The following AFF2 variants were observed in gnomAD, a reference collection of about 807,000 sequenced individuals.
The protein encoded by AFF2 is AF4/FMR2 family member 2.
Under a neutral mutation model 76.9 loss-of-function variants are expected in AFF2, and 14 were observed. That is an observed-to-expected ratio of 0.18 (90% CI 0.12 to 0.28). The LOEUF is 0.28. Ranked by LOEUF, AFF2 falls within the 10% of genes least tolerant of loss-of-function variation. AFF2 has a pLI of 1.00. For missense variants in AFF2, 868 were observed against 1,001.1 expected (o/e 0.87, Z 1.79); for synonymous variants, 398 against 366.7 (o/e 1.09, Z -0.98).
chrX:148,610,118 G>A (rs1255410293), intron 1 of AFF2, among the ~76,000 whole-genome samples: 4 of 111,889 alleles, frequency 3.6e-5, no homozygotes, highest in Non-Finnish European at 7.5e-5. Flanking sequence ...AATTGCCCAT[G>A]TGAAGAGAGA....
At chrX:148,830,257 C>A (rs894342598) in intron 4 of AFF2, among the ~76,000 whole-genome samples, 32 of 112,361 alleles carry the variant, frequency 2.8e-4, no homozygotes, top group African/African-American at 1.0e-3. Context: ...CCTTCCGAAG[C>A]CTGCCTGAGG....
At chrX:148,788,185 A>G (rs1239333666) in intron 3 of AFF2, among the ~76,000 whole-genome samples, 1 of 111,722 alleles carries the variant, frequency 9.0e-6, no homozygotes, top group Non-Finnish European at 1.9e-5. Flanking sequence ...TGGAAAAATC[A>G]TTTGGAGGAG....
intron 1 of AFF2, among the ~76,000 whole-genome samples, chrX:148,502,097 A>G (rs1239965216): frequency 4.5e-5 from 5 of 112,244 alleles, no homozygotes; most frequent in Non-Finnish European, 7.5e-5. Context: ...TACAAACATT[A>G]TCACAGTTTA....
Position 148,993,271 on chromosome X carries a change from A to G in AFF2, c.*1939A>G, listed in dbSNP as rs904463984. On this transcript the variant is annotated 3_prime_UTR_variant, in exon 21 of 21. Transcript: ENST00000370460. The stretch of plus-strand genomic sequence containing the variant: ...ACAGTCTCAGCAACAACACTTATGC[A>G]TCCAAACACTCACAAATGAAACCTG... The G allele has an allele frequency of 8.9e-6, 1 of 112,927 alleles. No homozygotes were observed. The highest frequency in any genetic ancestry group is 1.9e-5 in the Non-Finnish European group (1 of 53,363). The allele number at this position is 112,927 out of a possible 1,213,427, so 9.3% of individuals were successfully genotyped here.
chrX:148,919,347 G>T (rs1227899282), intron 9 of AFF2, among the ~76,000 whole-genome samples: 3 of 110,547 alleles, frequency 2.7e-5, no homozygotes, highest in African/African-American at 6.6e-5. Context: ...AAAGAATAAA[G>T]AATCTCATAC....
At chrX:148,802,543 G>A (rs1310859518) in intron 3 of AFF2, among the ~76,000 whole-genome samples, 2 of 112,036 alleles carry the variant, frequency 1.8e-5, no homozygotes, top group African/African-American at 3.2e-5. Flanking sequence ...GTACTGTTAT[G>A]TGAAATACAA....
intron 9 of AFF2, among the ~76,000 whole-genome samples, chrX:148,945,994 A>G (rs1557286055): frequency 8.9e-6 from 1 of 112,323 alleles, no homozygotes; most frequent in Non-Finnish European, 1.9e-5. Context: ...AGTCTGGTCA[A>G]TCTACAGAAA....
chrX:148,658,547 A>T (rs2054275411), intron 2 of AFF2, among the ~76,000 whole-genome samples: 1 of 112,291 alleles, frequency 8.9e-6, no homozygotes, highest in African/African-American at 3.2e-5. Flanking sequence ...TCATCATAAG[A>T]AAAAGCCACA....
intron 4 of AFF2, among the ~76,000 whole-genome samples, chrX:148,810,146 A>T (rs2070185570): frequency 8.9e-6 from 1 of 111,877 alleles, no homozygotes; most frequent in African/African-American, 3.3e-5. Context: ...TGCCCTATCC[A>T]TTCCTACATC....
At chrX:148,622,494 C>G in intron 1 of AFF2, among the ~76,000 whole-genome samples, 1 of 112,002 alleles carries the variant, frequency 8.9e-6, no homozygotes, top group Middle Eastern at 4.6e-3. Flanking sequence ...TTAAAGTCAA[C>G]TTGTTGTGAA....
intron 3 of AFF2, among the ~76,000 whole-genome samples, chrX:148,680,555 C>T (rs2054536235): frequency 9.0e-6 from 1 of 111,546 alleles, no homozygotes; most frequent in South Asian, 3.8e-4. Flanking sequence ...AAAAAATCAA[C>T]TTCGTTTGAC....
intron 19 of AFF2, 71 bp from the exon 20 acceptor site, chrX:148,987,296 G>A: frequency 1.0e-6 from 1 of 972,442 alleles, no homozygotes; most frequent in East Asian, 3.1e-5. Flanking sequence ...CAGCGTGATG[G>A]GGAAGGCCTA....
intron 7 of AFF2, among the ~76,000 whole-genome samples, chrX:148,859,425 GT>G (rs1483861248): frequency 1.4e-4 from 16 of 110,754 alleles, no homozygotes; most frequent in Non-Finnish European, 3.0e-4. Context: ...AATACCTTTA[GT>G]AAAAATGCTT....
rs782165155 is a variant in AFF2 at position 148,840,408 on chromosome X, T to G, written c.1174-2558T>G. Among the ~76,000 whole-genome samples, 70 of 111,946 alleles carry G rather than the reference T, an allele frequency of 6.3e-4. 1 individual carries two copies. The highest frequency in any genetic ancestry group is 1.5e-3 in the South Asian group (4 of 2,690). On this transcript the variant is annotated intron_variant, in intron 5 of 20. Coordinates refer to ENST00000370460, the MANE Select transcript of AFF2 (RefSeq NM_002025.4). ...CTGCTTTCACACTACAATGGCAGAG[T>G]CCAGTTAATTATGACAAAGATGGTA...
chrX:148,792,023 A>T (rs1316237244), intron 3 of AFF2, among the ~76,000 whole-genome samples: 1 of 110,771 alleles, frequency 9.0e-6, no homozygotes, highest in Non-Finnish European at 1.9e-5. Context: ...TTCCTATTTG[A>T]TAATATAGTT....
intron 5 of AFF2, 22 bp downstream of exon 5, chrX:148,837,755 A>G: frequency 9.3e-7 from 1 of 1,072,417 alleles, no homozygotes; most frequent in South Asian, 2.0e-5. Context: ...TCCTTCCTGC[A>G]TTTTTGTTTG....
At chrX:148,529,682 G>A (rs1180635250) in intron 1 of AFF2, among the ~76,000 whole-genome samples, 1 of 111,724 alleles carries the variant, frequency 9.0e-6, no homozygotes. Context: ...TCTGAGGGTA[G>A]GAGTACTCCC....
At chrX:148,750,394 C>T (rs1470683841) in intron 3 of AFF2, among the ~76,000 whole-genome samples, 1 of 111,759 alleles carries the variant, frequency 8.9e-6, no homozygotes, top group Admixed American at 9.5e-5. Flanking sequence ...TTTGAAGACT[C>T]TTGACATTGT....
At position 148,916,147 on chromosome X, in the gene AFF2, C is replaced by A. The variant is rs137949626; in HGVS notation, c.1397+11889C>A. On this transcript the variant is annotated intron_variant, in intron 9 of 20. Transcript: ENST00000370460. ...GTGTGGTCAAACCATGTATGAGGTT[C>A]TTCTCCTGGTCTTAGTGATGGGTAA... Among the ~76,000 whole-genome samples the A allele has an allele frequency of 2.8e-3, 275 of 97,696 alleles. 1 individual carries two copies. The highest frequency in any genetic ancestry group is 0.011 in the African/African-American group (267 of 25,240). The allele number at this position is 97,696 out of a possible 115,157, so 84.8% of individuals were successfully genotyped here.
Sources: allele counts gnomAD v4.1 joint callset (sites outside exome capture counted in the v4.1 genomes callset), GRCh38; gene constraint gnomAD v4.1.1; transcripts MANE v1.5; gene names NCBI Gene and HGNC (gene_info 2026-07-23, HGNC 2026-07-21).